Variants in MPRIP observed in about 807,000 individuals in gnomAD.
The protein encoded by MPRIP is myosin phosphatase Rho-interacting protein.
Under a neutral mutation model 234.9 loss-of-function variants are expected in MPRIP, and 59 were observed. The ratio of observed to expected loss-of-function variants is 0.25; its 90% CI spans 0.20 to 0.31. The LOEUF (loss-of-function observed/expected upper bound fraction) is 0.31. Among genes scored for constraint, MPRIP ranks in the 10% least tolerant of loss-of-function variants. The pLI is 1.00. For synonymous variants in MPRIP, 1,144 were observed against 1,263.9 expected, an observed-to-expected ratio of 0.91 and a Z score of 2.01; for missense variants, 2,436 against 3,071.0, an observed-to-expected ratio of 0.79 and a Z score of 4.89.
At chr17:17,105,708 A>G (rs1236267212) in intron 3 of MPRIP, among the ~76,000 whole-genome samples, 5 of 152,158 alleles carry the variant, frequency 3.3e-5, no homozygotes, top group African/African-American at 1.2e-4. Flanking sequence ...GTTCCCTGGA[A>G]ACAGTGTGAC....
intron 3 of MPRIP, among the ~76,000 whole-genome samples, chr17:17,104,108 T>C (rs954185771): frequency 2.0e-5 from 3 of 152,206 alleles, no homozygotes; most frequent in Non-Finnish European, 2.9e-5. Context: ...AGACACTAAG[T>C]GCTCGTAAAC....
intron 3 of MPRIP, among the ~76,000 whole-genome samples, chr17:17,123,703 C>CAA (rs371753802): frequency 2.5e-3 from 146 of 58,766 alleles, no homozygotes; most frequent in African/African-American, 3.5e-3. Context: ...GACTTCGTCT[C>CAA]AAAAAAAAAA....
At position 17,175,348 on chromosome 17, in the gene MPRIP, G is replaced by A. The variant is rs1237845761; in HGVS notation, c.6806G>A (p.Gly2269Glu). ...ACACGGTTGCGGACGCTGCTGACTGGGGACGGCGGTGGGGAGGCCACTGGG... is the reference window on the plus strand; with the variant it reads ...ACACGGTTGCGGACGCTGCTGACTGAGGACGGCGGTGGGGAGGCCACTGGG... ...EITRLRTLLT[G>E]DGGGEATGSP... The change falls in exon 20 of 24, where the codon GGG becomes GAG. Residue 2269 changes from glycine (G) to glutamate (E), a missense_variant. Gly to Glu is a moderately conservative substitution (Grantham distance 98, BLOSUM62 -2). Coordinates refer to ENST00000651222, the MANE Select transcript of MPRIP (RefSeq NM_001364716.4). The A allele has an allele frequency of 2.0e-5, 32 of 1,613,404 alleles. No homozygotes were observed. The highest frequency in any genetic ancestry group is 2.7e-5 in the African/African-American group (2 of 74,936).
At chr17:17,072,150 A>T (rs2089210305) in intron 1 of MPRIP, among the ~76,000 whole-genome samples, 1 of 152,198 alleles carries the variant, frequency 6.6e-6, no homozygotes, top group Admixed American at 6.5e-5. Flanking sequence ...GCTGCACTTA[A>T]AGACACTGTG....
At chr17:17,122,573 T>G (rs1296059914) in intron 3 of MPRIP, among the ~76,000 whole-genome samples, 1 of 152,190 alleles carries the variant, frequency 6.6e-6, no homozygotes, top group African/African-American at 2.4e-5. Context: ...CAGGATGATC[T>G]CGATCTCCTG....
At chr17:17,131,444 G>T (rs868079465) in intron 4 of MPRIP, among the ~76,000 whole-genome samples, 173 bp from the exon 5 acceptor site, 1 of 152,220 alleles carries the variant, frequency 6.6e-6, no homozygotes, top group South Asian at 2.1e-4. Context: ...CCTGCTGTGG[G>T]TGTGGCAGGG....
At chr17:17,136,082 C>T in intron 5 of MPRIP, 137 bp from the exon 6 acceptor site, 1 of 818,454 alleles carries the variant, frequency 1.2e-6, no homozygotes, top group Admixed American at 2.0e-5. Context: ...TGTTTTGGGG[C>T]AGTATCTGAA....
chr17:17,121,085 TC>T (rs1361666118), intron 3 of MPRIP, among the ~76,000 whole-genome samples: 2 of 152,230 alleles, frequency 1.3e-5, no homozygotes, highest in Non-Finnish European at 2.9e-5. Flanking sequence ...CATGGCTACT[TC>T]CTAGCATTGT....
chr17:17,083,708 C>T (rs2089519419), intron 3 of MPRIP, among the ~76,000 whole-genome samples: 1 of 152,114 alleles, frequency 6.6e-6, no homozygotes, highest in African/African-American at 2.4e-5. Flanking sequence ...GTTTAAATAA[C>T]CACTTTGTGT....
chr17:17,182,011 G>T (rs1197696474), intron 23 of MPRIP: 1 of 152,304 alleles, frequency 6.6e-6, no homozygotes, highest in Non-Finnish European at 1.5e-5. Flanking sequence ...TCCTTGGAGT[G>T]CAGGGCTAGT....
In MPRIP at chr17:17,077,935, C is replaced by A. The variant is rs958684943; in HGVS notation, c.202-76C>A. 6.3e-6 allele frequency: 9 copies of A among 1,426,388 alleles called. No homozygotes were observed. In the East Asian group the frequency reaches 1.8e-4, roughly 29 times the overall value. The allele number at this position is 1,426,388 out of a possible 1,614,324, so 88.4% of individuals were successfully genotyped here. Reference sequence around the variant, plus strand: ...CTTCCTTAGATATGGACTTGTCAGACGTGGGAACTCCAGAAGCCAAGCTCT... The same window carrying A: ...CTTCCTTAGATATGGACTTGTCAGAAGTGGGAACTCCAGAAGCCAAGCTCT... On this transcript the variant is annotated intron_variant, in intron 2 of 23. Transcript: ENST00000651222.
intron 3 of MPRIP, among the ~76,000 whole-genome samples, chr17:17,117,928 G>A (rs933876552): frequency 3.3e-5 from 5 of 152,374 alleles, no homozygotes; most frequent in African/African-American, 1.2e-4. Context: ...TTGACTCCAA[G>A]GGTAGGCTCT....
intron 1 of MPRIP, among the ~76,000 whole-genome samples, chr17:17,072,614 G>T (rs1001810943): frequency 6.6e-6 from 1 of 152,228 alleles, no homozygotes; most frequent in Non-Finnish European, 1.5e-5. Flanking sequence ...GGACATTTCG[G>T]GGAAGCCCTG....
In MPRIP at chr17:17,161,253, A is replaced by C; in HGVS notation, c.2414A>C (p.Gln805Pro). ...TTTTGCCAACAGCTGGAGCAGAGCC[A>C]GAAGGAGGCCTCAGACCTTCTGGAG... Reference protein sequence around the residue: ...SLLEKELEQSQKEASDLLEQN... With the variant: ...SLLEKELEQSPKEASDLLEQN... The change falls in exon 15 of 24, where the codon CAG (glutamine) becomes CCG (proline). Residue 805 changes from glutamine to proline, a missense_variant. Coordinates refer to ENST00000651222, the MANE Select transcript of MPRIP (RefSeq NM_001364716.4). 6.2e-7 allele frequency: 1 copy of C among 1,601,608 alleles called. No individual in the cohort carries two copies. Among genetic ancestry groups the C allele is most frequent in the Non-Finnish European group, 8.5e-7 (1 of 1,171,910 alleles).
rs745846220 is a variant in MPRIP at position 17,173,930 on chromosome 17, C to T, written c.6605C>T (p.Ser2202Leu). The T allele has an allele frequency of 1.7e-5, 27 of 1,613,362 alleles. No individual in the cohort carries two copies. Among genetic ancestry groups the T allele is most frequent in the Middle Eastern group, 1.6e-4 (1 of 6,068 alleles). Residue 2202 changes from serine (S) to leucine (L), a missense_variant, in exon 19 of 24, where the codon TCG (serine) becomes TTG (leucine). By Grantham distance (145) the Ser-to-Leu change is moderately radical. Around this residue, in one of 4 missense-constraint regions of MPRIP, gnomAD observed 1,998 missense variants for 2,520.3 expected, o/e 0.79. Transcript: ENST00000651222. ...CCTCTCCCCAGGGAGGAGCTGCAGT[C>T]GGTGCAGCGGGAACTGGAGGTCCTC... ...LRRQYLEELQ[S>L]VQRELEVLSE... is the part of the protein sequence containing the mutation.
intron 3 of MPRIP, among the ~76,000 whole-genome samples, chr17:17,080,942 G>A (rs2144075907): frequency 6.6e-6 from 1 of 150,958 alleles, no homozygotes; most frequent in Admixed American, 6.6e-5. Flanking sequence ...CACAGGGCCT[G>A]CAGAACTGCT....
At chr17:17,062,634 G>T (rs1179709528) in intron 1 of MPRIP, among the ~76,000 whole-genome samples, 2 of 152,248 alleles carry the variant, frequency 1.3e-5, no homozygotes, top group African/African-American at 4.8e-5. Flanking sequence ...GAAGGCCTGC[G>T]CAGGACAGGC....
At chr17:17,098,928 G>C (rs1382479711) in intron 3 of MPRIP, among the ~76,000 whole-genome samples, 1 of 152,152 alleles carries the variant, frequency 6.6e-6, no homozygotes, top group Non-Finnish European at 1.5e-5. Flanking sequence ...TGTATAAAGA[G>C]ACAAGCACGT....
intron 1 of MPRIP, among the ~76,000 whole-genome samples, chr17:17,063,666 G>C (rs1204572021): frequency 6.6e-6 from 1 of 152,216 alleles, no homozygotes; most frequent in Non-Finnish European, 1.5e-5. Flanking sequence ...CTAAGGACAG[G>C]TGAGTCCAAG....
Sources: allele counts gnomAD v4.1 joint callset (sites outside exome capture counted in the v4.1 genomes callset), GRCh38; gene constraint gnomAD v4.1.1; regional missense constraint gnomAD v4.1.1; transcripts MANE v1.5; gene names NCBI Gene and HGNC (gene_info 2026-07-23, HGNC 2026-07-21).